ANKRD30BL: variants seen among roughly 807,000 people sequenced by gnomAD.
ANKRD30BL encodes putative ankyrin repeat domain-containing protein 30B-like.
Under a neutral mutation model 18.4 loss-of-function variants are expected in ANKRD30BL, and 20 were observed. The observed-to-expected ratio is 1.09, with a 90% CI of 0.77 to 1.58. The LOEUF (loss-of-function observed/expected upper bound fraction) is 1.58, where lower values mean the gene tolerates loss of function less well. ANKRD30BL is among the 40% of genes most tolerant of loss of function. The pLI is 0.00. For missense variants in ANKRD30BL, 224 were observed against 268.6 expected (o/e 0.83, Z 1.16); for synonymous variants, 72 against 100.9 (o/e 0.71, Z 1.72).
intron 5 of ANKRD30BL, among the ~76,000 whole-genome samples, chr2:132,148,725 C>G (rs1376827554): frequency 6.6e-6 from 1 of 152,056 alleles, no homozygotes; most frequent in Non-Finnish European, 1.5e-5. Context: ...ATGTCTGACA[C>G]ATACTGAATA....
At chr2:132,163,184 C>T (rs1295097521), upstream of ANKRD30BL, among the ~76,000 whole-genome samples, 10 of 152,126 alleles carry the variant, frequency 6.6e-5, no homozygotes, top group Non-Finnish European at 1.5e-4. Flanking sequence ...GGTGCAGGAC[C>T]TCATGCCTGT....
intron 1 of ANKRD30BL, among the ~76,000 whole-genome samples, chr2:132,189,619 AAC>A (rs1245767314): frequency 1.3e-5 from 2 of 151,528 alleles, no homozygotes; most frequent in East Asian, 3.9e-4. Flanking sequence ...TACATGCTGA[AAC>A]ACAATCGCTG....
rs1354144355 is a variant in ANKRD30BL, at chr2:132,232,171, A to G, written n.441+25358T>C. ...AACAAACAGAAAGGACATCCACAAC[A>G]AAAACCCATCTGTACATCACCATCA... On this transcript the variant is annotated intron_variant and non_coding_transcript_variant, in intron 1 of 4. Coordinates refer to the ANKRD30BL transcript ENST00000470729. 7.9e-5 allele frequency among the ~76,000 whole-genome samples: 12 copies of G among 152,314 alleles called. No homozygotes were observed. The East Asian group carries it at 1.5e-3, about 20-fold the overall frequency.
chr2:132,150,547 A>G (rs556000421), intron 5 of ANKRD30BL, among the ~76,000 whole-genome samples: 1 of 151,616 alleles, frequency 6.6e-6, no homozygotes, highest in African/African-American at 2.4e-5. Flanking sequence ...CACACCAAGG[A>G]TTATACATTT....
chr2:132,202,166 T>C (rs1267927164), intron 1 of ANKRD30BL, among the ~76,000 whole-genome samples: 1 of 140,620 alleles, frequency 7.1e-6, no homozygotes, highest in African/African-American at 3.3e-5. Flanking sequence ...GGGGGAGGGA[T>C]AGCATTGGGA....
intron 1 of ANKRD30BL, among the ~76,000 whole-genome samples, chr2:132,170,497 G>A (rs371333958): frequency 6.6e-6 from 1 of 152,196 alleles, no homozygotes; most frequent in African/African-American, 2.4e-5. Flanking sequence ...CTGGTCGGAG[G>A]TTCTGCTGGG....
At chr2:132,189,958 A>G (rs1678812162) in intron 1 of ANKRD30BL, among the ~76,000 whole-genome samples, 1 of 152,148 alleles carries the variant, frequency 6.6e-6, no homozygotes, top group Middle Eastern at 3.4e-3. Flanking sequence ...TGGGTATAGC[A>G]CAGCAAATCA....
intron 1 of ANKRD30BL, among the ~76,000 whole-genome samples, chr2:132,193,548 G>A (rs1678901030): frequency 6.6e-6 from 1 of 152,118 alleles, no homozygotes; most frequent in Middle Eastern, 3.4e-3. Context: ...ATGGGCAGAA[G>A]TGGGTCCATG....
At chr2:132,172,472 T>C (rs951802748) in intron 1 of ANKRD30BL, among the ~76,000 whole-genome samples, 13 of 152,340 alleles carry the variant, frequency 8.5e-5, no homozygotes, top group African/African-American at 3.1e-4. Flanking sequence ...TTTCTAATGC[T>C]AGTGATATTA....
intron 1 of ANKRD30BL, among the ~76,000 whole-genome samples, chr2:132,240,700 C>T (rs1282106083): frequency 6.6e-6 from 1 of 151,776 alleles, no homozygotes. Flanking sequence ...TCAGAAACTT[C>T]TTTGTGATGT....
At chr2:132,252,951 C>G (rs533327977) in intron 1 of ANKRD30BL, among the ~76,000 whole-genome samples, 3 of 152,054 alleles carry the variant, frequency 2.0e-5, no homozygotes, top group Non-Finnish European at 4.4e-5. Flanking sequence ...TCCTCACAGC[C>G]GGGAGCCCCC....
chr2:132,221,623 G>T (rs577802892), intron 1 of ANKRD30BL, among the ~76,000 whole-genome samples: 1 of 120,878 alleles, frequency 8.3e-6, no homozygotes, highest in African/African-American at 4.4e-5. Flanking sequence ...CCGGCCAGCC[G>T]CCCAGTCCGG....
At chr2:132,230,372 T>C (rs1679975978) in intron 1 of ANKRD30BL, among the ~76,000 whole-genome samples, 1 of 151,820 alleles carries the variant, frequency 6.6e-6, no homozygotes, top group Admixed American at 6.6e-5. Context: ...ACTCACAGAG[T>C]TGAACTTTCC....
intron 1 of ANKRD30BL, among the ~76,000 whole-genome samples, chr2:132,170,871 T>C (rs1688265609): frequency 6.6e-6 from 1 of 152,138 alleles, no homozygotes; most frequent in Non-Finnish European, 1.5e-5. Flanking sequence ...AGAATAACAC[T>C]TGGAGGCCGA....
intron 1 of ANKRD30BL, among the ~76,000 whole-genome samples, chr2:132,183,224 CA>C (rs1169776338): frequency 6.6e-6 from 1 of 151,676 alleles, no homozygotes. Context: ...CTTTACCTCC[CA>C]GGTTCAAGTG....
chr2:132,154,084 T>G (rs1687837857), intron 4 of ANKRD30BL, among the ~76,000 whole-genome samples: 1 of 152,156 alleles, frequency 6.6e-6, no homozygotes, highest in Non-Finnish European at 1.5e-5. Context: ...AGGAATAATA[T>G]TGTCCTGAGT....
intron 1 of ANKRD30BL, chr2:132,257,142 C>T (rs1222695720): frequency 6.5e-6 from 3 of 459,586 alleles, no homozygotes; most frequent in South Asian, 3.1e-5. Context: ...ACCTCAGCCA[C>T]AAACCTAACG....
chr2:132,248,948 GTGA>G (rs1486228111), intron 1 of ANKRD30BL, among the ~76,000 whole-genome samples: 1 of 151,856 alleles, frequency 6.6e-6, no homozygotes, highest in Non-Finnish European at 1.5e-5. Flanking sequence ...AAGGTTTTAT[GTGA>G]TGATATTTCC....
At chr2:132,217,262 C>T (rs1679531622) in intron 1 of ANKRD30BL, among the ~76,000 whole-genome samples, 2 of 151,850 alleles carry the variant, frequency 1.3e-5, no homozygotes, top group Admixed American at 6.6e-5. Context: ...AAGGGAATAT[C>T]TTCACATAAT....
Sources: gnomAD v4.1 joint callset for allele counts (sites outside exome capture counted in the v4.1 genomes callset) on GRCh38, gnomAD v4.1.1 for gene constraint, MANE v1.5 for transcripts, NCBI Gene and HGNC (gene_info 2026-07-23, HGNC 2026-07-21) for gene names.